Variants in OBI1 observed in about 807,000 individuals in gnomAD.
OBI1 encodes ring finger protein 219.
Under a neutral mutation model 62.4 loss-of-function variants are expected in OBI1, and 59 were observed. The ratio of observed to expected loss-of-function variants is 0.95; its 90% CI spans 0.77 to 1.17. OBI1 has a LOEUF of 1.17. Among genes scored for constraint, OBI1 ranks in the 50% most tolerant of loss-of-function variants. The pLI, the probability that OBI1 is intolerant of heterozygous loss-of-function variation, is 0.00. For synonymous variants in OBI1, 302 were observed against 292.8 expected (o/e 1.03, Z -0.32); for missense variants, 875 against 830.9 (o/e 1.05, Z -0.65).
Position 78,635,760 on chromosome 13 carries a change from G to C in OBI1, c.550-562C>G, listed in dbSNP as rs964134470. 5.9e-5 allele frequency among the ~76,000 whole-genome samples: 9 copies of C among 152,082 alleles called. No individual in the cohort carries two copies. The East Asian group carries it at 9.7e-4, about 16-fold the overall frequency. On this transcript the variant is annotated intron_variant, in intron 4 of 5. Transcript: ENST00000282003. ...TGGATCTATCTATCTATCTATCTATGTATCTATTTATCTATATTTTTTGAA... is the reference window on the plus strand; with the variant it reads ...TGGATCTATCTATCTATCTATCTATCTATCTATTTATCTATATTTTTTGAA...
At position 78,615,389 on chromosome 13, in the gene OBI1, G is replaced by T. The variant is rs971325720; in HGVS notation, c.*191C>A. On this transcript the variant is annotated 3_prime_UTR_variant, in exon 6 of 6. Coordinates refer to ENST00000282003, the MANE Select transcript of OBI1 (RefSeq NM_024546.4). ...GTCACAAAGACTCCCAAATAAAAATGAAAAGAACAAAGTCTTTTCAAAATG... is the reference window on the plus strand; with the variant it reads ...GTCACAAAGACTCCCAAATAAAAATTAAAAGAACAAAGTCTTTTCAAAATG... 1.4e-5 allele frequency: 6 copies of T among 420,878 alleles called. No individual in the cohort carries two copies. The highest frequency in any genetic ancestry group is 2.5e-5 in the Non-Finnish European group (6 of 240,510). The allele number at this position is 420,878 out of a possible 1,614,324, so 26.1% of individuals were successfully genotyped here. A position where few individuals can be genotyped will look rare whatever the true frequency, so the allele number is the denominator to read the frequency against.
rs1303652901 is a variant in OBI1, at chr13:78,615,451, C to A, written c.*129G>T. 6 of 647,810 alleles carry A rather than the reference C, an allele frequency of 9.3e-6. No individual in the cohort carries two copies. Among genetic ancestry groups the A allele is most frequent in the Non-Finnish European group, 1.6e-5 (6 of 378,534 alleles). The allele number at this position is 647,810 out of a possible 1,614,324, so 40.1% of individuals were successfully genotyped here. A position where few individuals can be genotyped will look rare whatever the true frequency, so the allele number is the denominator to read the frequency against. ...TTCTGGGTACAGGTTAATCCACCAT[C>A]CTGACTTGATACTTGACTAAAGATT... On this transcript the variant is annotated 3_prime_UTR_variant, in exon 6 of 6. Coordinates refer to ENST00000282003, the MANE Select transcript of OBI1 (RefSeq NM_024546.4).
Position 78,635,180 on chromosome 13 carries a change from A to G in OBI1, c.568T>C (p.Leu190=), listed in dbSNP as rs1339761571. Residue 190 remains leucine (L), a synonymous_variant, in exon 5 of 6, where the codon TTG becomes CTG. Coordinates refer to ENST00000282003, the MANE Select transcript of OBI1 (RefSeq NM_024546.4). ...TCCCTCACCAGACCACCATTTTCCA[A>G]TTTCAATTTTTTATTTGCCTAAAAT... is the stretch of plus-strand genomic sequence containing the variant. ...KLKEANKKLK[L]ENGGLVRENL... The G allele has an allele frequency of 3.1e-6, 5 of 1,605,530 alleles. No homozygotes were observed. Among genetic ancestry groups the G allele is most frequent in the South Asian group, 1.1e-5 (1 of 89,878 alleles).
At chr13:78,626,780 TA>T (rs1566277791) in intron 5 of OBI1, among the ~76,000 whole-genome samples, 1 of 152,090 alleles carries the variant, frequency 6.6e-6, no homozygotes, top group African/African-American at 2.4e-5. Flanking sequence ...AGACCAAGAA[TA>T]TTGGGGCCAG....
At chr13:78,645,379 A>G (rs1876349959) in intron 1 of OBI1, among the ~76,000 whole-genome samples, 1 of 152,196 alleles carries the variant, frequency 6.6e-6, no homozygotes, top group Non-Finnish European at 1.5e-5. Context: ...ATTTAGCACA[A>G]TCATCCATCT....
chr13:78,630,844 A>G (rs1875823692), intron 5 of OBI1, among the ~76,000 whole-genome samples: 1 of 152,168 alleles, frequency 6.6e-6, no homozygotes, highest in South Asian at 2.1e-4. Flanking sequence ...GCCCAAAAGG[A>G]CTAACATAAA....
chr13:78,655,810 A>G (rs1013218155), intron 1 of OBI1, among the ~76,000 whole-genome samples: 2 of 152,232 alleles, frequency 1.3e-5, no homozygotes, highest in African/African-American at 2.4e-5. Flanking sequence ...CCTTAGGAAC[A>G]TTCTTAGAAG....
At chr13:78,636,970 A>C (rs992381980) in intron 4 of OBI1, among the ~76,000 whole-genome samples, 8 of 152,224 alleles carry the variant, frequency 5.3e-5, no homozygotes, top group Non-Finnish European at 2.9e-5. Context: ...TTCCTCAACT[A>C]TCAGAGATCT....
At chr13:78,624,355 C>T (rs190257963) in intron 5 of OBI1, among the ~76,000 whole-genome samples, 21 of 152,328 alleles carry the variant, frequency 1.4e-4, no homozygotes, top group African/African-American at 4.6e-4. Flanking sequence ...TTCCTTATCC[C>T]TCCATCTTCT....
At chr13:78,636,741 T>C (rs1463865063) in intron 4 of OBI1, among the ~76,000 whole-genome samples, 1 of 152,196 alleles carries the variant, frequency 6.6e-6, no homozygotes, top group Non-Finnish European at 1.5e-5. Flanking sequence ...GGAAAGCCAT[T>C]TACTTCCTCA....
At chr13:78,626,093 C>G (rs577597943) in intron 5 of OBI1, among the ~76,000 whole-genome samples, 1 of 152,150 alleles carries the variant, frequency 6.6e-6, no homozygotes, top group Non-Finnish European at 1.5e-5. Flanking sequence ...TAAATAGATG[C>G]GGACAAGAAA....
intron 5 of OBI1, among the ~76,000 whole-genome samples, chr13:78,620,172 A>T (rs935980861): frequency 6.6e-6 from 1 of 152,226 alleles, no homozygotes; most frequent in Non-Finnish European, 1.5e-5. Flanking sequence ...TAAATTTGGC[A>T]AAGGGCAATT....
chr13:78,619,329 AT>A (rs10710481), intron 5 of OBI1, among the ~76,000 whole-genome samples: 67,751 of 148,388 alleles, frequency 0.46, 16,919 homozygotes, highest in African/African-American at 0.68. Context: ...CTCTCTATAT[AT>A]TTTTTTTTTT....
chr13:78,638,735 G>A lies in OBI1; in HGVS notation c.549+88C>T, dbSNP rs962062169. 3 of 1,171,050 alleles carry A rather than the reference G, an allele frequency of 2.6e-6. No homozygotes were observed. In the African/African-American group the frequency reaches 4.6e-5, roughly 18 times the overall value. 72.5% of individuals were successfully genotyped at this position (1,171,050 alleles called of 1,614,324 possible). Reference sequence around the variant, plus strand: ...GTCCTTTCCTCACAAATCATCTGATGATGAGTCAAGATAATATGGCTATTT... The same window carrying A: ...GTCCTTTCCTCACAAATCATCTGATAATGAGTCAAGATAATATGGCTATTT... On this transcript the variant is annotated intron_variant, in intron 4 of 5. Coordinates refer to ENST00000282003, the MANE Select transcript of OBI1 (RefSeq NM_024546.4).
At chr13:78,630,926 A>T (rs192562539) in intron 5 of OBI1, among the ~76,000 whole-genome samples, 7 of 152,302 alleles carry the variant, frequency 4.6e-5, no homozygotes, top group Admixed American at 1.3e-4. Context: ...TTCATTTAAT[A>T]CTTGCTTCAT....
intron 5 of OBI1, among the ~76,000 whole-genome samples, chr13:78,629,077 T>C (rs1214900732): frequency 6.6e-6 from 1 of 152,138 alleles, no homozygotes; most frequent in African/African-American, 2.4e-5. Flanking sequence ...TTCCTTCCTC[T>C]TCAGAACACT....
chr13:78,648,677 G>T (rs923664561), intron 1 of OBI1, among the ~76,000 whole-genome samples: 1 of 152,112 alleles, frequency 6.6e-6, no homozygotes, highest in Non-Finnish European at 1.5e-5. Flanking sequence ...ACTTTGGGAG[G>T]CCGAGGCGGG....
chr13:78,639,033 A>C lies in OBI1; in HGVS notation c.339T>G (p.Leu113=). ...IDCLQKEVEE[L]KSKNLSLESQ... ...ACTCCAAGCTGAGATTTTTACTCTT[A>C]AGCTCTTCTACTTCTTTCTGTAAAC... Residue 113 remains leucine (L), a synonymous_variant, in exon 4 of 6, where the codon CTT becomes CTG. Coordinates refer to ENST00000282003, the MANE Select transcript of OBI1 (RefSeq NM_024546.4). 1 of 1,613,578 alleles carries C rather than the reference A, an allele frequency of 6.2e-7. No homozygotes were observed. The highest frequency in any genetic ancestry group is 8.5e-7 in the Non-Finnish European group (1 of 1,179,814).
chr13:78,643,926 T>C (rs1216334011), intron 2 of OBI1, among the ~76,000 whole-genome samples: 1 of 152,218 alleles, frequency 6.6e-6, no homozygotes, highest in Non-Finnish European at 1.5e-5. Context: ...CAAAAACAAG[T>C]AGAAATCATT....
Sources: gnomAD v4.1 joint callset for allele counts (sites outside exome capture counted in the v4.1 genomes callset) on GRCh38, gnomAD v4.1.1 for gene constraint, MANE v1.5 for transcripts, NCBI Gene and HGNC (gene_info 2026-07-23, HGNC 2026-07-21) for gene names.